Variants in CSMD1 observed in about 807,000 individuals in gnomAD.
CSMD1 encodes the protein CUB and Sushi multiple domains 1, also known as CUB and sushi domain-containing protein 1.
CSMD1 carries 213 observed loss-of-function variants against 417.5 expected under a neutral mutation model. That is an observed-to-expected ratio of 0.51 (90% CI 0.46 to 0.57). The LOEUF is 0.57. Ranked by LOEUF, CSMD1 falls within the 20% of genes least tolerant of loss-of-function variation. The pLI is 0.00. For missense variants in CSMD1, 6,923 were observed against 4,529.7 expected, an observed-to-expected ratio of 1.53 and a Z score of -15.17; for synonymous variants, 2,862 against 1,736.8, an observed-to-expected ratio of 1.65 and a Z score of -16.11.
chr8:3,768,054 G>A (rs1310060492), intron 5 of CSMD1, among the ~76,000 whole-genome samples: 6 of 152,072 alleles, frequency 3.9e-5, no homozygotes, highest in Admixed American at 6.6e-5. Flanking sequence ...CTTTGACCCC[G>A]AGTATAGACA....
chr8:4,737,387 G>A (rs981947874), intron 1 of CSMD1, among the ~76,000 whole-genome samples: 2 of 151,878 alleles, frequency 1.3e-5, no homozygotes, highest in Non-Finnish European at 2.9e-5. Flanking sequence ...ATAACTAATG[G>A]GTACTAGGTT....
intron 5 of CSMD1, among the ~76,000 whole-genome samples, chr8:3,937,288 A>C (rs1476106671): frequency 1.3e-5 from 2 of 152,172 alleles, no homozygotes; most frequent in Non-Finnish European, 2.9e-5. Context: ...ATTTTGAAAG[A>C]ATTTCTCCTG....
intron 63 of CSMD1, among the ~76,000 whole-genome samples, 160 bp from the exon 64 acceptor site, chr8:2,955,928 AT>A (rs1463979121): frequency 6.6e-6 from 1 of 151,978 alleles, no homozygotes; most frequent in Admixed American, 6.6e-5. Context: ...TTTGGTAGAG[AT>A]GAAGTCTTGC....
chr8:4,930,904 C>T (rs914931156), intron 1 of CSMD1, among the ~76,000 whole-genome samples: 2 of 152,120 alleles, frequency 1.3e-5, no homozygotes, highest in Admixed American at 6.6e-5. Context: ...TTCTGTATCC[C>T]ACCATCTAAC....
At chr8:4,256,136 C>G (rs572434013) in intron 3 of CSMD1, among the ~76,000 whole-genome samples, 12 of 152,234 alleles carry the variant, frequency 7.9e-5, no homozygotes, top group African/African-American at 2.7e-4. Context: ...CTGAGCAGTA[C>G]TAATCACTAT....
intron 2 of CSMD1, among the ~76,000 whole-genome samples, chr8:4,424,809 T>G (rs146502762): frequency 3.3e-5 from 5 of 152,066 alleles, no homozygotes; most frequent in Non-Finnish European, 5.9e-5. Context: ...TATACCATAG[T>G]TTTGCCGGTG....
chr8:3,119,896 C>T (rs1482930096), intron 41 of CSMD1, among the ~76,000 whole-genome samples: 2 of 152,134 alleles, frequency 1.3e-5, no homozygotes, highest in East Asian at 1.9e-4. Flanking sequence ...ATGAGGTCAC[C>T]GGTCACTGTC....
At chr8:2,948,870 T>C (rs1037563102) in intron 68 of CSMD1, among the ~76,000 whole-genome samples, 1 of 152,062 alleles carries the variant, frequency 6.6e-6, no homozygotes, top group Non-Finnish European at 1.5e-5. Flanking sequence ...GTCATTCTGA[T>C]AACTAAAAAT....
At chr8:4,097,380 G>T (rs577141975) in intron 3 of CSMD1, among the ~76,000 whole-genome samples, 9 of 152,220 alleles carry the variant, frequency 5.9e-5, no homozygotes, top group Non-Finnish European at 1.2e-4. Context: ...ACCACACACG[G>T]GTGTTATAAG....
At chr8:4,187,535 T>G (rs997857264) in intron 3 of CSMD1, among the ~76,000 whole-genome samples, 34 of 152,114 alleles carry the variant, frequency 2.2e-4, no homozygotes, top group Middle Eastern at 6.8e-3. Context: ...TCCCAGCTAC[T>G]TGGGAGACTC....
At chr8:3,171,565 T>G (rs895291218) in intron 37 of CSMD1, among the ~76,000 whole-genome samples, 4 of 152,174 alleles carry the variant, frequency 2.6e-5, no homozygotes, top group Admixed American at 2.6e-4. Context: ...TATTCCCTAG[T>G]TACTTACCAT....
At chr8:4,317,410 A>C (rs186654523) in intron 3 of CSMD1, among the ~76,000 whole-genome samples, 55 of 152,302 alleles carry the variant, frequency 3.6e-4, no homozygotes, top group East Asian at 1.7e-3. Context: ...AAATGGTTAC[A>C]AAACCAGTTA....
chr8:4,549,339 C>G (rs551483621), intron 2 of CSMD1, among the ~76,000 whole-genome samples: 1 of 152,098 alleles, frequency 6.6e-6, no homozygotes, highest in Non-Finnish European at 1.5e-5. Flanking sequence ...ATTCCAGAAA[C>G]AAGAAAAATG....
intron 7 of CSMD1, chr8:3,702,296 A>G (rs1289562967): frequency 1.3e-5 from 2 of 152,176 alleles, no homozygotes; most frequent in African/African-American, 4.8e-5. Flanking sequence ...ACAAATCAAT[A>G]TCGAATTGGG....
At chr8:4,463,068 T>A (rs1339944027) in intron 2 of CSMD1, among the ~76,000 whole-genome samples, 1 of 152,274 alleles carries the variant, frequency 6.6e-6, no homozygotes, top group East Asian at 1.9e-4. Flanking sequence ...GCATCTGGAA[T>A]ACATAAAGAT....
intron 1 of CSMD1, among the ~76,000 whole-genome samples, chr8:4,707,219 C>A (rs539866825): frequency 2.6e-5 from 4 of 152,094 alleles, no homozygotes; most frequent in Non-Finnish European, 2.9e-5. Context: ...TAAAGGCTTT[C>A]TATACATTAT....
At chr8:4,220,426 C>T (rs1299790888) in intron 3 of CSMD1, among the ~76,000 whole-genome samples, 1 of 152,144 alleles carries the variant, frequency 6.6e-6, no homozygotes, top group Non-Finnish European at 1.5e-5. Flanking sequence ...ATGCGACGTC[C>T]ATGGGATGGC....
chr8:4,896,341 G>T (rs901078708), intron 1 of CSMD1, among the ~76,000 whole-genome samples: 1 of 151,890 alleles, frequency 6.6e-6, no homozygotes, highest in Non-Finnish European at 1.5e-5. Flanking sequence ...ACTTTAATCT[G>T]CATATTTGAG....
At chr8:4,950,039 G>A (rs1278521320) in intron 1 of CSMD1, among the ~76,000 whole-genome samples, 2 of 151,958 alleles carry the variant, frequency 1.3e-5, no homozygotes, top group Non-Finnish European at 1.5e-5. Context: ...GATGAATAAT[G>A]GCACAGGGAA....
Sources: allele counts gnomAD v4.1 joint callset (sites outside exome capture counted in the v4.1 genomes callset), GRCh38; gene constraint gnomAD v4.1.1; transcripts MANE v1.5; gene names NCBI Gene and HGNC (gene_info 2026-07-23, HGNC 2026-07-21).